Variants in TGFBR3 observed in about 807,000 individuals in gnomAD.
TGFBR3 encodes transforming growth factor beta receptor 3.
Under a neutral mutation model 87.9 loss-of-function variants are expected in TGFBR3, and 46 were observed. That is an observed-to-expected ratio of 0.52 (90% CI 0.41 to 0.67). The LOEUF (loss-of-function observed/expected upper bound fraction) is 0.67, where lower values mean the gene tolerates loss of function less well. TGFBR3 is among the 30% of genes least tolerant of loss of function. The pLI is 0.00. For missense variants in TGFBR3, 866 were observed against 1,041.9 expected (o/e 0.83, Z 2.32); for synonymous variants, 381 against 391.6 (o/e 0.97, Z 0.32).
chr1:91,704,386 G>A (rs1671724380), intron 14 of TGFBR3, among the ~76,000 whole-genome samples: 1 of 151,852 alleles, frequency 6.6e-6, no homozygotes, highest in Admixed American at 6.5e-5. Flanking sequence ...GGCAGGAAGA[G>A]GGGTGTGAAG....
intron 2 of TGFBR3, among the ~76,000 whole-genome samples, chr1:91,896,963 C>CT (rs1006054198): frequency 1.4e-5 from 2 of 146,276 alleles, no homozygotes; most frequent in African/African-American, 5.0e-5. Flanking sequence ...TCTTTTTTAA[C>CT]TTTTTTTTAA....
intron 2 of TGFBR3, among the ~76,000 whole-genome samples, chr1:91,838,815 T>C (rs1463462827): frequency 6.6e-6 from 1 of 152,056 alleles, no homozygotes; most frequent in Non-Finnish European, 1.5e-5. Context: ...GCACAGCAAA[T>C]CTCTTTAAAT....
intron 2 of TGFBR3, among the ~76,000 whole-genome samples, chr1:91,827,273 G>A (rs572695815): frequency 2.0e-5 from 3 of 152,242 alleles, no homozygotes; most frequent in Admixed American, 6.5e-5. Context: ...ACAGGCTGGC[G>A]GTTACGACAT....
intron 3 of TGFBR3, among the ~76,000 whole-genome samples, chr1:91,769,232 T>C (rs1674290836): frequency 1.3e-5 from 2 of 152,220 alleles, no homozygotes; most frequent in Non-Finnish European, 2.9e-5. Context: ...GTGTTAGCTA[T>C]TATTACTTCT....
intron 4 of TGFBR3, among the ~76,000 whole-genome samples, chr1:91,735,765 A>G (rs1032371720): frequency 2.6e-5 from 4 of 152,246 alleles, no homozygotes; most frequent in Non-Finnish European, 5.9e-5. Context: ...TTGCTGTGCT[A>G]TAATCAAATT....
rs150567134 is a variant in TGFBR3, at chr1:91,719,209, G to A, written c.1566+103C>T. The A allele has an allele frequency of 6.1e-5, 92 of 1,520,466 alleles. No homozygotes were observed. The African/African-American group carries it at 1.1e-3, about 19-fold the overall frequency. The allele number at this position is 1,520,466 out of a possible 1,614,324, so 94.2% of individuals were successfully genotyped here. ...ACACTTGGCTTTCTTCAGGCCTGGG[G>A]TGAAAACCCTCTTCATCTTCAAAGA... On this transcript the variant is annotated intron_variant, in intron 10 of 16. Coordinates refer to ENST00000212355, the MANE Select transcript of TGFBR3 (RefSeq NM_003243.5).
Position 91,779,113 on chromosome 1 carries a change from C to A in TGFBR3, c.246+18174G>T, listed in dbSNP as rs373759170. Among the ~76,000 whole-genome samples the A allele has an allele frequency of 9.2e-5, 14 of 152,158 alleles. No homozygotes were observed. The South Asian group carries it at 2.1e-3, about 23-fold the overall frequency. On this transcript the variant is annotated intron_variant, in intron 3 of 16. Transcript: ENST00000212355. ...TCATTCAGGGCTCTGGTGGGGATTG[C>A]GCATTTTCATTGAAATGTAAAAAAC...
rs1464062899 is a variant in TGFBR3, at chr1:91,680,714, G to C, written c.*3025C>G. The C allele has an allele frequency of 2.2e-6, 1 of 453,872 alleles. No individual in the cohort carries two copies. Among genetic ancestry groups the C allele is most frequent in the Non-Finnish European group, 4.4e-6 (1 of 226,782 alleles). 28.1% of individuals were successfully genotyped at this position (453,872 alleles called of 1,614,324 possible). A position where few individuals can be genotyped will look rare whatever the true frequency, so the allele number is the denominator to read the frequency against. ...AAAATGTGCTCTGTTAACACAACCA[G>C]CAGTACAATCATCATTCAAACCATG... On this transcript the variant is annotated 3_prime_UTR_variant, in exon 17 of 17. Coordinates refer to ENST00000212355, the MANE Select transcript of TGFBR3 (RefSeq NM_003243.5).
At chr1:91,852,845 A>G (rs1677792438) in intron 2 of TGFBR3, among the ~76,000 whole-genome samples, 1 of 152,186 alleles carries the variant, frequency 6.6e-6, no homozygotes, top group South Asian at 2.1e-4. Flanking sequence ...AGAATTAAAC[A>G]CAAAACTGGT....
chr1:91,733,272 C>CA (rs1244431057), intron 5 of TGFBR3, among the ~76,000 whole-genome samples: 2 of 152,208 alleles, frequency 1.3e-5, no homozygotes, highest in African/African-American at 4.8e-5. Flanking sequence ...ACTCAAGAGT[C>CA]AGGAAGCCTG....
intron 3 of TGFBR3, among the ~76,000 whole-genome samples, chr1:91,793,047 G>A (rs887653006): frequency 6.6e-6 from 1 of 152,140 alleles, no homozygotes; most frequent in African/African-American, 2.4e-5. Context: ...TGGTACTGAG[G>A]GCTTTTTATG....
intron 5 of TGFBR3, among the ~76,000 whole-genome samples, chr1:91,732,726 G>T (rs1005356755): frequency 6.6e-6 from 1 of 152,152 alleles, no homozygotes; most frequent in Non-Finnish European, 1.5e-5. Context: ...AAGTTTCAGG[G>T]GTTCCGAAGG....
At chr1:91,841,455 T>C (rs1355288808) in intron 2 of TGFBR3, among the ~76,000 whole-genome samples, 1 of 152,188 alleles carries the variant, frequency 6.6e-6, no homozygotes, top group African/African-American at 2.4e-5. Flanking sequence ...TATCCAATAT[T>C]GCTCTTATAC....
chr1:91,764,323 A>AAAAAAAAAAAAAAAAAAAC, intron 3 of TGFBR3, among the ~76,000 whole-genome samples: 1 of 122,368 alleles, frequency 8.2e-6, no homozygotes, highest in Non-Finnish European at 2.0e-5. Flanking sequence ...GAGACAAAAA[A>AAAAAAAAAAAAAAAAAAAC]AAAAAAAAAA....
chr1:91,682,390 T>TCC lies in TGFBR3; in HGVS notation c.*1347_*1348dup, dbSNP rs888189952. 4.6e-6 allele frequency: 2 copies of TCC among 439,268 alleles called. No homozygotes were observed. The highest frequency in any genetic ancestry group is 2.1e-5 in the African/African-American group (1 of 47,194). 27.2% of individuals were successfully genotyped at this position (439,268 alleles called of 1,614,324 possible). ...CAGTAAAATAATTTAGCATGATAAT[T>TCC]CCCCCCTGGCATTCTTTTTTTTTTT... On this transcript the variant is annotated 3_prime_UTR_variant, in exon 17 of 17. Coordinates refer to ENST00000212355, the MANE Select transcript of TGFBR3 (RefSeq NM_003243.5).
chr1:91,702,685 G>A (rs1408054100), intron 14 of TGFBR3, among the ~76,000 whole-genome samples: 3 of 151,934 alleles, frequency 2.0e-5, no homozygotes, highest in Non-Finnish European at 4.4e-5. Flanking sequence ...CCATAAATTG[G>A]CAATTGTTGA....
chr1:91,856,433 C>T (rs536333162), intron 2 of TGFBR3, among the ~76,000 whole-genome samples: 1 of 152,150 alleles, frequency 6.6e-6, no homozygotes, highest in South Asian at 2.1e-4. Flanking sequence ...CACCCGGCCC[C>T]GACTGCCTTC....
chr1:91,758,383 G>A (rs938258113), intron 4 of TGFBR3, among the ~76,000 whole-genome samples: 7 of 152,118 alleles, frequency 4.6e-5, no homozygotes, highest in Admixed American at 6.5e-5. Context: ...TCTAATGTGC[G>A]CACTAGACCC....
chr1:91,891,023 A>G (rs957950146), upstream of TGFBR3, among the ~76,000 whole-genome samples: 7 of 150,970 alleles, frequency 4.6e-5, no homozygotes, highest in Non-Finnish European at 8.9e-5. Flanking sequence ...TCCACCTCCT[A>G]AGTAGCTGGG....
Sources: allele counts gnomAD v4.1 joint callset (sites outside exome capture counted in the v4.1 genomes callset), GRCh38; gene constraint gnomAD v4.1.1; transcripts MANE v1.5; gene names NCBI Gene and HGNC (gene_info 2026-07-23, HGNC 2026-07-21).